TEX14: variants seen among roughly 807,000 people sequenced by gnomAD.
TEX14 encodes testis expressed 14, intercellular bridge forming factor, also known as inactive serine/threonine-protein kinase TEX14.
A neutral mutation model predicts 178.6 loss-of-function variants in TEX14; 168 were observed. That is an observed-to-expected ratio of 0.94 (90% CI 0.83 to 1.07). TEX14 has a LOEUF of 1.07. TEX14 is among the 50% of genes least tolerant of loss of function. TEX14 has a pLI of 0.00. For missense variants in TEX14, 1,730 were observed against 1,753.6 expected (o/e 0.99, Z 0.24); for synonymous variants, 626 against 634.1 (o/e 0.99, Z 0.19).
rs575403829 is a variant in TEX14 at position 58,593,988 on chromosome 17, C to G, written c.2470-327G>C. Among the ~76,000 whole-genome samples, 315 of 152,246 alleles carry G rather than the reference C, an allele frequency of 2.1e-3. 2 individuals are homozygous for G. The highest frequency in any genetic ancestry group is 7.2e-3 in the African/African-American group (301 of 41,560). On this transcript the variant is annotated intron_variant, in intron 14 of 31. Coordinates refer to ENST00000349033, the MANE Select transcript of TEX14 (RefSeq NM_031272.5). ...TAGCTGGGACTACAGGCGCACACCACCACACCCAGCTAATTTTTGTATTGT... is the reference window on the plus strand; with the variant it reads ...TAGCTGGGACTACAGGCGCACACCAGCACACCCAGCTAATTTTTGTATTGT...
At chr17:58,635,593 C>A (rs2046416939) in intron 2 of TEX14, among the ~76,000 whole-genome samples, 1 of 152,136 alleles carries the variant, frequency 6.6e-6, no homozygotes, top group Admixed American at 6.6e-5. Context: ...CCATGCCCAG[C>A]TAATTTTTGT....
At chr17:58,663,221 A>G (rs1384804334) in intron 1 of TEX14, among the ~76,000 whole-genome samples, 1 of 151,986 alleles carries the variant, frequency 6.6e-6, no homozygotes, top group Non-Finnish European at 1.5e-5. Flanking sequence ...TCGGGAGTTC[A>G]AGACCATCCT....
chr17:58,623,390 T>C (rs752452044), intron 3 of TEX14, among the ~76,000 whole-genome samples: 103 of 152,274 alleles, frequency 6.8e-4, no homozygotes, highest in Non-Finnish European at 1.2e-3. Context: ...TCTTCACACC[T>C]GCAGTGTCCT....
chr17:58,623,901 C>A (rs147040309), intron 3 of TEX14, among the ~76,000 whole-genome samples: 1 of 152,090 alleles, frequency 6.6e-6, no homozygotes, highest in Non-Finnish European at 1.5e-5. Context: ...CAACTCCAGA[C>A]ACCCAGTTCT....
chr17:58,587,774 C>T, intron 16 of TEX14, 108 bp from the exon 17 acceptor site: 1 of 1,153,072 alleles, frequency 8.7e-7, no homozygotes, highest in Non-Finnish European at 1.3e-6. Context: ...ATCCAGAGGA[C>T]CTGTTCCCTA....
At chr17:58,623,184 A>G (rs2144553137) in intron 3 of TEX14, among the ~76,000 whole-genome samples, 172 bp from the exon 4 acceptor site, 1 of 101,270 alleles carries the variant, frequency 9.9e-6, no homozygotes, top group South Asian at 4.2e-4. Flanking sequence ...CTTTCTGTAC[A>G]CACACACACA....
chr17:58,576,554 A>G (rs1598351612), intron 21 of TEX14, among the ~76,000 whole-genome samples: 1 of 152,218 alleles, frequency 6.6e-6, no homozygotes, highest in East Asian at 1.9e-4. Flanking sequence ...TCCCAGTGGT[A>G]ACATCTTGCA....
chr17:58,683,270 G>A (rs2047531718), intron 1 of TEX14, among the ~76,000 whole-genome samples: 1 of 151,638 alleles, frequency 6.6e-6, no homozygotes, highest in Admixed American at 6.6e-5. Context: ...CTACTCCGGA[G>A]GCTGAGGCAG....
At chr17:58,563,656 TATAGAG>T (rs1251990235) in intron 28 of TEX14, among the ~76,000 whole-genome samples, 18 of 18,736 alleles carry the variant, frequency 9.6e-4, no homozygotes, top group Admixed American at 1.7e-3. Context: ...TATATATATA[TATAGAG>T]AGAGAGAGAG....
intron 2 of TEX14, among the ~76,000 whole-genome samples, chr17:58,636,534 T>C (rs1248269746): frequency 2.0e-5 from 3 of 152,246 alleles, no homozygotes; most frequent in African/African-American, 7.2e-5. Flanking sequence ...ATCACTGTTT[T>C]GTAGATGAAG....
At chr17:58,582,641 G>A (rs1051523124) in intron 19 of TEX14, among the ~76,000 whole-genome samples, 2 of 148,302 alleles carry the variant, frequency 1.3e-5, no homozygotes, top group African/African-American at 5.0e-5. Context: ...TCGGCTCACT[G>A]CAGCCTCCGC....
At position 58,656,945 on chromosome 17, in the gene TEX14, A is replaced by G. The variant is rs927768099; in HGVS notation, c.-1-4943T>C. Among the ~76,000 whole-genome samples, 146 of 148,808 alleles carry G rather than the reference A, an allele frequency of 9.8e-4. 1 individual carries two copies. The highest frequency in any genetic ancestry group is 2.8e-3 in the African/African-American group (113 of 40,552). ...TCTCACAAAAAAAAAAAAAAAAAAA[A>G]AAAAGAAAAAGAAAATTGGGTTTTA... is the stretch of plus-strand genomic sequence containing the variant. On this transcript the variant is annotated intron_variant, in intron 1 of 31. Transcript: ENST00000349033.
rs577028701 is a variant in TEX14 at position 58,633,961 on chromosome 17, T to C, written c.137-3407A>G. ...CCAGCCTGGTGACAGAGCAAGACTCTGTCTCCGAAAAAAAAAAAAAAAGCA... is the reference window on the plus strand; with the variant it reads ...CCAGCCTGGTGACAGAGCAAGACTCCGTCTCCGAAAAAAAAAAAAAAAGCA... On this transcript the variant is annotated intron_variant, in intron 2 of 31. Coordinates refer to ENST00000349033, the MANE Select transcript of TEX14 (RefSeq NM_031272.5). Among the ~76,000 whole-genome samples, 145 of 139,296 alleles carry C rather than the reference T, an allele frequency of 1.0e-3. 2 individuals are homozygous for C. The highest frequency in any genetic ancestry group is 3.7e-3 in the African/African-American group (144 of 38,580). 91.4% of individuals were successfully genotyped at this position (139,296 alleles called of 152,430 possible).
In TEX14 at chr17:58,611,295, C is replaced by A. The variant is rs777685467; in HGVS notation, c.1050G>T (p.Leu350=). 2 of 1,613,396 alleles carry A rather than the reference C, an allele frequency of 1.2e-6. No individual in the cohort carries two copies. Among genetic ancestry groups the A allele is most frequent in the Non-Finnish European group, 1.7e-6 (2 of 1,179,546 alleles). The part of the protein sequence containing the change: ...PVLHMEVIVH[L]LLQISDALRY... ...TCAGGGCATCAGATATCTGGAGCAG[C>A]AGGTGCACAATCACCTCCATGTGCA... The change falls in exon 10 of 32, where the codon CTG becomes CTT. Residue 350 remains leucine, a synonymous_variant. Transcript: ENST00000349033.
At chr17:58,609,573 C>T (rs191016467) in intron 10 of TEX14, among the ~76,000 whole-genome samples, 2 of 152,164 alleles carry the variant, frequency 1.3e-5, no homozygotes, top group East Asian at 3.9e-4. Context: ...AAAAATCATC[C>T]ATGACCCTAT....
chr17:58,585,943 TGGGCTCCTAATGG>T lies in TEX14; in HGVS notation c.2915_2927del (p.Pro972GlnfsTer77), dbSNP rs754820949. On this transcript the variant is annotated frameshift_variant, in exon 18 of 32. Coordinates refer to ENST00000349033, the MANE Select transcript of TEX14 (RefSeq NM_031272.5). LOFTEE classifies it high-confidence loss of function. ...TAACTCGCTGCCAATCCGTGTTTTC[TGGGCTCCTAATGG>T]GGGGCTGCAGCAGGGCGTCGGGCTC... 1 of 1,614,108 alleles carries T rather than the reference TGGGCTCCTAATGG, an allele frequency of 6.2e-7. No homozygotes were observed. Among genetic ancestry groups the T allele is most frequent in the Non-Finnish European group, 8.5e-7 (1 of 1,180,018 alleles).
At chr17:58,678,984 T>C (rs2047442415) in intron 1 of TEX14, among the ~76,000 whole-genome samples, 1 of 151,730 alleles carries the variant, frequency 6.6e-6, no homozygotes, top group African/African-American at 2.4e-5. Context: ...TGAAACCCCG[T>C]CTCTACTAAA....
chr17:58,661,076 GACAACTTATGCTCCA>G, intron 1 of TEX14: 1 of 1,066,902 alleles, frequency 9.4e-7, no homozygotes, highest in Non-Finnish European at 1.5e-6. Flanking sequence ...TTTCATTGTA[GACAACTTATGCTCCA>G]ACACCTTCTT....
At chr17:58,630,016 A>T (rs539852860) in intron 3 of TEX14, among the ~76,000 whole-genome samples, 1 of 127,064 alleles carries the variant, frequency 7.9e-6, no homozygotes, top group South Asian at 2.5e-4. Context: ...CTAAACTCTG[A>T]TTCTTTTAAA....
Sources: gnomAD v4.1 joint callset for allele counts (sites outside exome capture counted in the v4.1 genomes callset) on GRCh38, gnomAD v4.1.1 for gene constraint, MANE v1.5 for transcripts, NCBI Gene and HGNC (gene_info 2026-07-23, HGNC 2026-07-21) for gene names.